Variants in ZEB1 observed in about 807,000 individuals in gnomAD.
ZEB1 encodes zinc finger E-box-binding homeobox 1.
Under a neutral mutation model 84.9 loss-of-function variants are expected in ZEB1, and 21 were observed. The ratio of observed to expected loss-of-function variants is 0.25; its 90% confidence interval spans 0.18 to 0.36. The LOEUF is 0.36. Among genes scored for constraint, ZEB1 ranks in the 10% least tolerant of loss-of-function variants. The pLI is 1.00. For missense variants in ZEB1, 1,104 were observed against 1,330.2 expected, an observed-to-expected ratio of 0.83 and a Z score of 2.65; for synonymous variants, 420 against 471.1, an observed-to-expected ratio of 0.89 and a Z score of 1.41.
intron 4 of ZEB1, among the ~76,000 whole-genome samples, chr10:31,506,827 CCTTT>C (rs1436161912): frequency 6.6e-6 from 1 of 152,044 alleles, no homozygotes; most frequent in South Asian, 2.1e-4. Context: ...ATCATTTGTT[CCTTT>C]CTTTCTTACT....
chr10:31,335,431 A>G (rs984373169), intron 1 of ZEB1, among the ~76,000 whole-genome samples: 3 of 152,212 alleles, frequency 2.0e-5, no homozygotes, highest in Non-Finnish European at 4.4e-5. Context: ...AATGTGTAAG[A>G]AAGTAACCCA....
At chr10:31,494,638 A>G (rs2066981946) in intron 2 of ZEB1, among the ~76,000 whole-genome samples, 1 of 152,036 alleles carries the variant, frequency 6.6e-6, no homozygotes, top group Admixed American at 6.6e-5. Context: ...TTTCGGTGTG[A>G]CTGTATAAGT....
At chr10:31,475,010 A>T (rs910694231) in intron 2 of ZEB1, among the ~76,000 whole-genome samples, 1 of 142,226 alleles carries the variant, frequency 7.0e-6, no homozygotes, top group African/African-American at 2.6e-5. Context: ...GAATTGAACA[A>T]TGAGATCACA....
At position 31,520,111 on chromosome 10, in the gene ZEB1, T is replaced by G; in HGVS notation, c.794-15T>G. ...AATAATTCAGTGAATATAATTTGTT[T>G]GTTTGTTTGTTTAGGAGAGAAGCCA... On this transcript the variant is annotated splice_polypyrimidine_tract_variant and intron_variant, in intron 6 of 8. Transcript: ENST00000424869. The surrounding 1 kb of genome is among the most constrained non-coding windows in gnomAD (Gnocchi z 5.1). 2 of 1,612,938 alleles carry G rather than the reference T, an allele frequency of 1.2e-6. No individual in the cohort carries two copies. Among genetic ancestry groups the G allele is most frequent in the Non-Finnish European group, 1.7e-6 (2 of 1,179,674 alleles).
At position 31,469,575 on chromosome 10, in the gene ZEB1, C is replaced by A. The variant is rs184339759; in HGVS notation, c.259+8338C>A. Among the ~76,000 whole-genome samples the A allele has an allele frequency of 2.2e-4, 33 of 152,330 alleles. No individual in the cohort carries two copies. The East Asian group carries it at 5.8e-3, about 27-fold the overall frequency. ...TCAGAGGGTCCTACGCCCACGGAGT[C>A]TCGCTGATTGCTAGCACAGCAGTCT... is the stretch of plus-strand genomic sequence containing the variant. On this transcript the variant is annotated intron_variant, in intron 2 of 8. Coordinates refer to ENST00000424869, the MANE Select transcript of ZEB1 (RefSeq NM_001174096.2).
At chr10:31,360,947 A>T in intron 1 of ZEB1, 1 of 1,597,542 alleles carries the variant, frequency 6.3e-7, no homozygotes, top group African/African-American at 1.3e-5. Flanking sequence ...TGGAGGAAGC[A>T]GCTAACTATG....
chr10:31,472,716 G>A (rs894347635), intron 2 of ZEB1, among the ~76,000 whole-genome samples: 5 of 136,742 alleles, frequency 3.7e-5, no homozygotes, highest in African/African-American at 1.6e-4. Context: ...TATGAGGCCA[G>A]CATCATTCTG....
At chr10:31,364,143 C>A (rs1157130097) in intron 1 of ZEB1, among the ~76,000 whole-genome samples, 3 of 152,228 alleles carry the variant, frequency 2.0e-5, no homozygotes, top group Non-Finnish European at 4.4e-5. Context: ...GCACACTGGG[C>A]ATCTGGGAGT....
chr10:31,486,324 T>G (rs749562999), intron 2 of ZEB1, among the ~76,000 whole-genome samples: 8 of 151,790 alleles, frequency 5.3e-5, no homozygotes, highest in Non-Finnish European at 1.0e-4. Flanking sequence ...CCAGAGTGGT[T>G]GTACCATCCC....
At chr10:31,491,718 T>TA (rs1357687946) in intron 2 of ZEB1, among the ~76,000 whole-genome samples, 2 of 151,916 alleles carry the variant, frequency 1.3e-5, no homozygotes, top group East Asian at 3.9e-4. Context: ...CTAGATTCAG[T>TA]AGCAGACATA....
At chr10:31,324,281 C>G (rs2034944805) in intron 1 of ZEB1, among the ~76,000 whole-genome samples, 1 of 151,954 alleles carries the variant, frequency 6.6e-6, no homozygotes, top group Non-Finnish European at 1.5e-5. Context: ...TGGCATACCT[C>G]CTATGTAGTA....
At chr10:31,334,416 A>T (rs2037548528) in intron 1 of ZEB1, among the ~76,000 whole-genome samples, 1 of 152,108 alleles carries the variant, frequency 6.6e-6, no homozygotes, top group African/African-American at 2.4e-5. Context: ...AAAAACTTGT[A>T]ATGATAGCAG....
intron 1 of ZEB1, among the ~76,000 whole-genome samples, chr10:31,407,724 G>C (rs972791214): frequency 1.3e-5 from 2 of 151,832 alleles, no homozygotes; most frequent in Non-Finnish European, 2.9e-5. Flanking sequence ...CAATAAATTA[G>C]GTATTGATGG....
chr10:31,511,105 G>C (rs1262645698), intron 5 of ZEB1, among the ~76,000 whole-genome samples: 1 of 152,166 alleles, frequency 6.6e-6, no homozygotes, highest in African/African-American at 2.4e-5. Context: ...TTTTGTTCAG[G>C]TAAGACCCTT....
At chr10:31,413,383 A>T (rs1209829048) in intron 1 of ZEB1, among the ~76,000 whole-genome samples, 1 of 152,106 alleles carries the variant, frequency 6.6e-6, no homozygotes, top group Non-Finnish European at 1.5e-5. Context: ...TTCACAGGAG[A>T]TGGAGTTTTA....
chr10:31,518,208 A>G (rs2071541562), intron 6 of ZEB1, among the ~76,000 whole-genome samples: 1 of 152,152 alleles, frequency 6.6e-6, no homozygotes, highest in Non-Finnish European at 1.5e-5. Context: ...TGAGAATTGA[A>G]TCCTATTCCA....
chr10:31,443,689 T>C (rs2059352867), intron 1 of ZEB1, among the ~76,000 whole-genome samples: 1 of 150,408 alleles, frequency 6.6e-6, no homozygotes, highest in African/African-American at 2.5e-5. Context: ...TGCGATAGTT[T>C]ACTGAGAATG....
At chr10:31,505,186 G>A (rs1480500162) in intron 4 of ZEB1, among the ~76,000 whole-genome samples, 2 of 152,098 alleles carry the variant, frequency 1.3e-5, no homozygotes, top group African/African-American at 4.8e-5. Flanking sequence ...GATTTAGTTT[G>A]TGAATATTTT....
Position 31,526,891 on chromosome 10 carries a change from C to T in ZEB1, c.3005C>T (p.Ala1002Val). ...CGTGACAGCACAGAGCAGGAAGAGG[C>T]AGGGCCTGAAATCCTCTCGAATGAG... ...EERDSTEQEE[A>V]GPEILSNEHV... The change falls in exon 9 of 9, where the codon GCA (alanine) becomes GTA (valine). Residue 1002 changes from alanine (A) to valine (V), a missense_variant. Around this residue, in one of 7 missense-constraint regions of ZEB1, gnomAD observed 173 missense variants for 167.0 expected, o/e 1.04. Coordinates refer to ENST00000424869, the MANE Select transcript of ZEB1 (RefSeq NM_001174096.2). 1 of 1,614,166 alleles carries T rather than the reference C, an allele frequency of 6.2e-7. No individual in the cohort carries two copies. Among genetic ancestry groups the T allele is most frequent in the Non-Finnish European group, 8.5e-7 (1 of 1,180,040 alleles).
Sources: gnomAD v4.1 joint callset for allele counts (sites outside exome capture counted in the v4.1 genomes callset) on GRCh38, gnomAD v4.1.1 for gene constraint, gnomAD v4.1.1 regional missense constraint, Gnocchi (gnomAD v3.1) non-coding constraint, MANE v1.5 for transcripts, NCBI Gene and HGNC (gene_info 2026-07-23, HGNC 2026-07-21) for gene names.